VIL1: variants seen among roughly 807,000 people sequenced by gnomAD.
The protein encoded by VIL1 is villin 1.
Under a neutral mutation model 104.0 loss-of-function variants are expected in VIL1, and 86 were observed. The ratio of observed to expected loss-of-function variants is 0.83; its 90% confidence interval spans 0.69 to 0.99. The LOEUF is 0.99. VIL1 is among the 50% of genes least tolerant of loss of function. The pLI is 0.00. For missense variants in VIL1, 944 were observed against 1,054.1 expected (o/e 0.90, Z 1.45); for synonymous variants, 394 against 412.6 (o/e 0.95, Z 0.55).
chr2:218,437,067 G>GCC lies in VIL1; in HGVS notation c.1972-55_1972-54dup, dbSNP rs1248701947. ...TTCACTGTTGGACAACTGAGGCAGA[G>GCC]CCCTGTGGGCCAGGGAGGACAGGAA... On this transcript the variant is annotated intron_variant, in intron 16 of 19. Coordinates refer to ENST00000248444, the MANE Select transcript of VIL1 (RefSeq NM_007127.3). The GCC allele has an allele frequency of 1.2e-5, 19 of 1,574,198 alleles. No individual in the cohort carries two copies. In the African/African-American group the frequency reaches 2.2e-4, roughly 18 times the overall value.
chr2:218,424,879 C>T (rs374690237), intron 3 of VIL1, among the ~76,000 whole-genome samples: 2 of 151,968 alleles, frequency 1.3e-5, no homozygotes, highest in African/African-American at 2.4e-5. Context: ...AGGCTGGTTT[C>T]GAACTCTTGA....
intron 2 of VIL1, among the ~76,000 whole-genome samples, 163 bp from the exon 3 acceptor site, chr2:218,424,114 T>C (rs867584536): frequency 2.4e-4 from 37 of 152,100 alleles, no homozygotes; most frequent in African/African-American, 8.2e-4. Flanking sequence ...TTGATTTTCC[T>C]TCTCCCGCCC....
intron 10 of VIL1, 25 bp downstream of exon 10, chr2:218,430,903 G>C (rs777180701): frequency 5.0e-6 from 8 of 1,600,822 alleles, no homozygotes; most frequent in Non-Finnish European, 6.8e-6. Flanking sequence ...GGGGCAGTGA[G>C]GGAGCCAGGA....
chr2:218,425,239 C>A (rs575094553), intron 3 of VIL1, among the ~76,000 whole-genome samples: 3 of 152,108 alleles, frequency 2.0e-5, no homozygotes, highest in African/African-American at 4.8e-5. Context: ...TGCCCCCACA[C>A]CTGGCTAATT....
rs1689434807 is a variant in VIL1 at position 218,449,647 on chromosome 2, T to G, written c.*311T>G. The G allele has an allele frequency of 4.0e-6, 1 of 247,342 alleles. No individual in the cohort carries two copies. Among genetic ancestry groups the G allele is most frequent in the Non-Finnish European group, 8.2e-6 (1 of 121,984 alleles). 15.3% of individuals were successfully genotyped at this position (247,342 alleles called of 1,614,324 possible). Reference sequence around the variant, plus strand: ...AAGAGCACAAACACTCCATGGAACATTAGAGTTCTGAGGCACTACCCTAGC... The same window carrying G: ...AAGAGCACAAACACTCCATGGAACAGTAGAGTTCTGAGGCACTACCCTAGC... On this transcript the variant is annotated 3_prime_UTR_variant, in exon 20 of 20. Coordinates refer to ENST00000248444, the MANE Select transcript of VIL1 (RefSeq NM_007127.3).
At position 218,449,332 on chromosome 2, in the gene VIL1, T is replaced by G. The variant is rs372922448; in HGVS notation, c.2480T>G (p.Phe827Cys). The change falls in exon 20 of 20, where the codon TTT (phenylalanine) becomes TGT (cysteine). Residue 827 changes from phenylalanine to cysteine, a missense_variant. Coordinates refer to ENST00000248444, the MANE Select transcript of VIL1 (RefSeq NM_007127.3). ...QQNLKKEKGL[F>C] is the part of the protein sequence containing the mutation. ...AACCTCAAGAAAGAAAAAGGACTAT[T>G]TTGAGAAGAGTAGCTGTGGTTGTAA... The G allele has an allele frequency of 3.7e-6, 6 of 1,611,004 alleles. No homozygotes were observed. The Admixed American group carries it at 8.3e-5, about 22-fold the overall frequency.
rs371201934 is a variant in VIL1 at position 218,423,884 on chromosome 2, C to T, written c.75+31C>T. 55 of 1,613,160 alleles carry T rather than the reference C, an allele frequency of 3.4e-5. No homozygotes were observed. In the African/African-American group the frequency reaches 6.8e-4, roughly 20 times the overall value. On this transcript the variant is annotated intron_variant, in intron 2 of 19. Transcript: ENST00000248444. The stretch of plus-strand genomic sequence containing the variant: ...GCCCTGTCTGGGCATGGGGGCTGCT[C>T]AGGCCTGGGGTGGAGGGAGGCAAGG...
chr2:218,442,795 C>G (rs907927477), intron 19 of VIL1, among the ~76,000 whole-genome samples: 2 of 152,162 alleles, frequency 1.3e-5, no homozygotes, highest in African/African-American at 4.8e-5. Flanking sequence ...CCTAGTTTCT[C>G]TCTCAGAACA....
intron 12 of VIL1, chr2:218,432,562 G>T (rs1451172971): frequency 4.1e-6 from 3 of 739,506 alleles, no homozygotes; most frequent in Non-Finnish European, 7.1e-6. Flanking sequence ...TGGGGTTGCA[G>T]GTAGGTCAGG....
At chr2:218,434,785 G>A in intron 14 of VIL1, 80 bp downstream of exon 14, 1 of 1,474,804 alleles carries the variant, frequency 6.8e-7, no homozygotes, top group East Asian at 2.3e-5. Context: ...CCTAGGTCAG[G>A]GCAGGAACCC....
At chr2:218,428,452 A>C (rs1689040441) in intron 6 of VIL1, 115 bp downstream of exon 6, 1 of 874,352 alleles carries the variant, frequency 1.1e-6, no homozygotes, top group African/African-American at 1.7e-5. Flanking sequence ...AAGGTGGCTC[A>C]GTCTCCATGT....
chr2:218,439,120 G>A (rs1214487175), intron 18 of VIL1, among the ~76,000 whole-genome samples: 2 of 151,512 alleles, frequency 1.3e-5, no homozygotes, highest in Non-Finnish European at 2.9e-5. Flanking sequence ...TAGTAGAGAC[G>A]AGGTTTCACC....
chr2:218,429,741 T>A, intron 8 of VIL1, 66 bp downstream of exon 8: 1 of 1,607,970 alleles, frequency 6.2e-7, no homozygotes, highest in Non-Finnish European at 8.5e-7. Context: ...GCAGGAAAAA[T>A]TCCAGGGGGC....
Position 218,426,261 on chromosome 2 carries a change from CTT to C in VIL1, c.347+460_347+461del, listed in dbSNP as rs566380740. 8.8e-5 allele frequency among the ~76,000 whole-genome samples: 13 copies of C among 147,142 alleles called. No individual in the cohort carries two copies. The East Asian group carries it at 1.8e-3, about 20-fold the overall frequency. ...AGACCGACAGCTTTTCTTTTTCTTC[CTT>C]TTTTTTTTTGAGATGGAGTCTTGCT... On this transcript the variant is annotated intron_variant, in intron 4 of 19. Coordinates refer to ENST00000248444, the MANE Select transcript of VIL1 (RefSeq NM_007127.3).
intron 3 of VIL1, among the ~76,000 whole-genome samples, chr2:218,424,909 C>T (rs956593295): frequency 3.3e-5 from 5 of 152,142 alleles, no homozygotes; most frequent in African/African-American, 4.8e-5. Context: ...ATCCACTCGC[C>T]TCAGCCTCCC....
intron 6 of VIL1, 90 bp from the exon 7 acceptor site, chr2:218,429,195 T>G: frequency 7.0e-7 from 1 of 1,430,820 alleles, no homozygotes. Flanking sequence ...CTGCTGTAGG[T>G]GGTCTGGGCT....
At position 218,425,704 on chromosome 2, in the gene VIL1, C is replaced by CT. The variant is rs750140404; in HGVS notation, c.241dup (p.Tyr81LeufsTer7). 1 of 1,614,200 alleles carries CT rather than the reference C, an allele frequency of 6.2e-7. No individual in the cohort carries two copies. The highest frequency in any genetic ancestry group is 8.5e-7 in the Non-Finnish European group (1 of 1,180,038). ...TGGATGAGCAGGGGGCAGCTGCCAT[C>CT]TACACCACACAGATGGATGACTTCC... On this transcript the variant is annotated frameshift_variant, in exon 4 of 20. Coordinates refer to ENST00000248444, the MANE Select transcript of VIL1 (RefSeq NM_007127.3). LOFTEE classifies it high-confidence loss of function.
chr2:218,427,406 C>T (rs1689021221), intron 4 of VIL1, among the ~76,000 whole-genome samples: 1 of 151,368 alleles, frequency 6.6e-6, no homozygotes, highest in South Asian at 2.1e-4. Flanking sequence ...TCACTGCAAA[C>T]CTCCGCCTCC....
In VIL1 at chr2:218,434,581, A is replaced by G. The variant is rs1574816738; in HGVS notation, c.1556A>G (p.Gln519Arg). 1 of 1,614,118 alleles carries G rather than the reference A, an allele frequency of 6.2e-7. No individual in the cohort carries two copies. Among genetic ancestry groups the G allele is most frequent in the Non-Finnish European group, 8.5e-7 (1 of 1,180,004 alleles). Reference sequence around the variant, plus strand: ...ACCGGGCCCTCCACACGGCTGTTCCAGGTCCAGGGAACTGGCGCCAACAAC... The same window carrying G: ...ACCGGGCCCTCCACACGGCTGTTCCGGGTCCAGGGAACTGGCGCCAACAAC... The part of the protein sequence containing the change: ...LETGPSTRLF[Q>R]VQGTGANNTK... Residue 519 changes from glutamine to arginine, a missense_variant, in exon 14 of 20, where the codon CAG (glutamine) becomes CGG (arginine). By Grantham distance (43) the Gln-to-Arg change is conservative. Transcript: ENST00000248444.
Sources: allele counts gnomAD v4.1 joint callset (sites outside exome capture counted in the v4.1 genomes callset), GRCh38; gene constraint gnomAD v4.1.1; transcripts MANE v1.5; gene names NCBI Gene and HGNC (gene_info 2026-07-23, HGNC 2026-07-21).